ZNF595: variants seen among roughly 807,000 people sequenced by gnomAD.
The protein encoded by ZNF595 is zinc finger protein 595.
In ZNF595, 9 loss-of-function variants were observed where a neutral mutation model predicts 19.4. The observed-to-expected ratio is 0.46, with a 90% CI of 0.28 to 0.81. The LOEUF is 0.81. Among genes scored for constraint, ZNF595 ranks in the 30% least tolerant of loss-of-function variants. The probability of loss-of-function intolerance (pLI) is 0.11; values close to 1 mark genes in which losing one functional copy is unlikely to be tolerated. For synonymous variants in ZNF595, 255 were observed against 255.9 expected, an observed-to-expected ratio of 1.00 and a Z score of 0.03; for missense variants, 729 against 736.0, an observed-to-expected ratio of 0.99 and a Z score of 0.11.
chr4:61,012 G>A (rs1321163568), intron 3 of ZNF595, among the ~76,000 whole-genome samples: 14 of 151,830 alleles, frequency 9.2e-5, no homozygotes, highest in African/African-American at 3.1e-4. Flanking sequence ...AATGATAGCC[G>A]ATGAGCTAAG....
intron 3 of ZNF595, among the ~76,000 whole-genome samples, chr4:77,507 G>C (rs1553798938): frequency 2.0e-5 from 3 of 152,018 alleles, no homozygotes. Flanking sequence ...TGATGTCCTT[G>C]CATCTGAAGG....
intron 3 of ZNF595, among the ~76,000 whole-genome samples, chr4:66,817 C>G (rs1259412374): frequency 6.6e-6 from 1 of 152,156 alleles, no homozygotes; most frequent in Non-Finnish European, 1.5e-5. Context: ...TTGCAAGTAC[C>G]ACACTGTTTT....
At chr4:63,229 T>C (rs1332559049) in intron 3 of ZNF595, among the ~76,000 whole-genome samples, 13 of 143,822 alleles carry the variant, frequency 9.0e-5, no homozygotes, top group Non-Finnish European at 2.0e-4. Context: ...TTAAGTAAAG[T>C]TTGAAATTAG....
intron 3 of ZNF595, among the ~76,000 whole-genome samples, chr4:72,558 T>C (rs977482775): frequency 1.3e-5 from 2 of 152,228 alleles, no homozygotes; most frequent in East Asian, 3.8e-4. Flanking sequence ...TTGAGTTTAA[T>C]GTTAAATTCT....
intron 3 of ZNF595, among the ~76,000 whole-genome samples, chr4:72,146 G>A (rs1713457136): frequency 6.6e-6 from 1 of 152,084 alleles, no homozygotes; most frequent in South Asian, 2.1e-4. Flanking sequence ...ACTGCACAAT[G>A]CATTCTATTT....
intron 3 of ZNF595, among the ~76,000 whole-genome samples, chr4:73,215 A>G (rs562266688): frequency 3.3e-5 from 5 of 151,632 alleles, no homozygotes; most frequent in African/African-American, 4.8e-5. Context: ...GAAAAGGGCT[A>G]TTTGTCATAC....
At position 86,810 on chromosome 4, in the gene ZNF595, T is replaced by C. The variant is rs1553801777; in HGVS notation, c.1306T>C (p.Ser436Pro). 1 of 1,613,612 alleles carries C rather than the reference T, an allele frequency of 6.2e-7. No individual in the cohort carries two copies. The highest frequency in any genetic ancestry group is 1.1e-5 in the South Asian group (1 of 91,066). ...AGAATGTGGCAAAGCTTTTAACCAA[T>C]CCTCAACTCTTATATTACACAAGAG... The part of the protein sequence containing the change: ...CEECGKAFNQ[S>P]STLILHKRIH... The change falls in exon 4 of 4, where the codon TCC becomes CCC. Residue 436 changes from serine (S) to proline (P), a missense_variant. Ser to Pro is a moderately conservative substitution (Grantham distance 74). Around this residue, in one of 2 missense-constraint regions of ZNF595, gnomAD observed 729 missense variants for 675.3 expected, o/e 1.08. Coordinates refer to ENST00000610261, the MANE Select transcript of ZNF595 (RefSeq NM_182524.4).
At chr4:60,534 G>A (rs1178954578) in intron 3 of ZNF595, 7,531 of 387,322 alleles carry the variant, frequency 0.019, no homozygotes, top group Admixed American at 0.042. Flanking sequence ...CGTAAGGTGA[G>A]TAGTGGACAT....
In ZNF595 at chr4:87,491, C is replaced by A; in HGVS notation, c.*40C>A. The A allele has an allele frequency of 6.9e-7, 1 of 1,458,228 alleles. No individual in the cohort carries two copies. The highest frequency in any genetic ancestry group is 2.4e-5 in the East Asian group (1 of 42,380). The allele number at this position is 1,458,228 out of a possible 1,614,324, so 90.3% of individuals were successfully genotyped here. The stretch of plus-strand genomic sequence containing the variant: ...AATCTCTAATTCCAGTGTCTTTACA[C>A]AGCAAATAAATTGGAGAATATTGCT... On this transcript the variant is annotated 3_prime_UTR_variant, in exon 4 of 4. Coordinates refer to ENST00000610261, the MANE Select transcript of ZNF595 (RefSeq NM_182524.4).
intron 3 of ZNF595, among the ~76,000 whole-genome samples, chr4:75,194 A>G (rs973738851): frequency 6.6e-6 from 1 of 152,230 alleles, no homozygotes; most frequent in South Asian, 2.1e-4. Context: ...TTATAAATCT[A>G]TTCAAACATT....
intron 3 of ZNF595, among the ~76,000 whole-genome samples, chr4:66,218 C>G (rs1713095028): frequency 1.3e-5 from 2 of 150,992 alleles, no homozygotes; most frequent in South Asian, 4.2e-4. Flanking sequence ...ACAGTAATAC[C>G]TCATTGTGGT....
chr4:68,496 T>A (rs1713287344), intron 3 of ZNF595: 1 of 152,272 alleles, frequency 6.6e-6, no homozygotes. Context: ...CTTAACTATG[T>A]TCAGGAATTC....
At chr4:69,368 G>T (rs1713336002) in intron 3 of ZNF595, among the ~76,000 whole-genome samples, 1 of 152,132 alleles carries the variant, frequency 6.6e-6, no homozygotes, top group South Asian at 2.1e-4. Context: ...CCAAGAGAAT[G>T]CTAGAGTTTT....
intron 3 of ZNF595, among the ~76,000 whole-genome samples, chr4:77,675 C>G (rs1553798990): frequency 6.6e-6 from 1 of 152,128 alleles, no homozygotes; most frequent in Non-Finnish European, 1.5e-5. Flanking sequence ...TCATGTTTGG[C>G]AGACCTGTTA....
intron 3 of ZNF595, among the ~76,000 whole-genome samples, chr4:61,032 A>G (rs1712837593): frequency 6.6e-6 from 1 of 152,190 alleles, no homozygotes; most frequent in Admixed American, 6.5e-5. Context: ...GAAACAAGAA[A>G]TAGGTTTGTG....
rs1714216867 is a variant in ZNF595, at chr4:86,857, T to G, written c.1353T>G (p.Pro451=). 17 of 1,611,174 alleles carry G rather than the reference T, an allele frequency of 1.1e-5. 1 individual carries two copies. The Middle Eastern group carries it at 5.0e-4, about 47-fold the overall frequency. ...LHKRIHSGQK[P]YKCEECGKAF... ...AGAGAATCCATTCTGGGCAAAAACC[T>G]TACAAATGTGAAGAATGTGGCAAAG... The change falls in exon 4 of 4, where the codon CCT becomes CCG. Residue 451 remains proline, a synonymous_variant. Coordinates refer to ENST00000610261, the MANE Select transcript of ZNF595 (RefSeq NM_182524.4).
At chr4:71,212 C>G (rs1713418391) in intron 3 of ZNF595, among the ~76,000 whole-genome samples, 1 of 152,220 alleles carries the variant, frequency 6.6e-6, no homozygotes, top group East Asian at 1.9e-4. Flanking sequence ...TTTATTAGTT[C>G]TAATAGTGTT....
intron 3 of ZNF595, among the ~76,000 whole-genome samples, chr4:65,216 G>A (rs1313914857): frequency 0.16 from 20,702 of 128,116 alleles, no homozygotes; most frequent in Non-Finnish European, 0.22. Flanking sequence ...GGCCACCTGG[G>A]TGAGGGCCTG....
rs781925509 is a variant in ZNF595 at position 86,702 on chromosome 4, G to T, written c.1198G>T (p.Glu400Ter). ...TGGAGAGAAACCCTACACATGTGAA[G>T]AATGTGGCAAAGCTTTTTATAGGTC... ...HTGEKPYTCE[E>*]CGKAFYRSSH... The change falls in exon 4 of 4, where the codon GAA becomes TAA. Residue 400 changes from glutamate to a stop codon, truncating the protein, a stop_gained. Transcript: ENST00000610261. LOFTEE classifies it high-confidence loss of function. 8 of 1,613,506 alleles carry T rather than the reference G, an allele frequency of 5.0e-6. No homozygotes were observed. The East Asian group carries it at 1.6e-4, about 31-fold the overall frequency.
Sources: allele counts gnomAD v4.1 joint callset (sites outside exome capture counted in the v4.1 genomes callset), GRCh38; gene constraint gnomAD v4.1.1; regional missense constraint gnomAD v4.1.1; transcripts MANE v1.5; gene names NCBI Gene and HGNC (gene_info 2026-07-23, HGNC 2026-07-21).